Variants in TENM1 observed in about 807,000 individuals in gnomAD.
The protein encoded by TENM1 is teneurin transmembrane protein 1, also known as teneurin-1.
TENM1 carries 35 observed loss-of-function variants against 174.8 expected under a neutral mutation model. The observed-to-expected ratio is 0.20, with a 90% CI of 0.15 to 0.27. The LOEUF (loss-of-function observed/expected upper bound fraction) is 0.27, where lower values mean the gene tolerates loss of function less well. Ranked by LOEUF, TENM1 falls within the 10% of genes least tolerant of loss-of-function variation. TENM1 has a pLI of 1.00. For missense variants in TENM1, 1,633 were observed against 2,130.1 expected (o/e 0.77, Z 4.59); for synonymous variants, 781 against 798.7 (o/e 0.98, Z 0.37).
At chrX:124,522,575 C>G (rs781031929) in intron 17 of TENM1, among the ~76,000 whole-genome samples, 38 of 109,003 alleles carry the variant, frequency 3.5e-4, no homozygotes, top group African/African-American at 1.2e-3. Flanking sequence ...AAAAAAAAAA[C>G]TGCACAGGCT....
At chrX:125,039,846 G>T in the TENM1 span, among the ~76,000 whole-genome samples, 5 of 110,200 alleles carry the variant, frequency 4.5e-5, no homozygotes, top group African/African-American at 1.7e-4. Flanking sequence ...TGATCAGATT[G>T]AATGTATTTC....
intron 3 of TENM1, among the ~76,000 whole-genome samples, chrX:124,880,772 C>T (rs1445809965): frequency 9.0e-6 from 1 of 111,701 alleles, no homozygotes; most frequent in Non-Finnish European, 1.9e-5. Context: ...AAATGCTTTT[C>T]TACATCTATT....
intron 14 of TENM1, among the ~76,000 whole-genome samples, chrX:124,560,001 T>C (rs1017113020): frequency 4.5e-5 from 5 of 110,405 alleles, no homozygotes; most frequent in Non-Finnish European, 9.5e-5. Context: ...GACATGAAGA[T>C]GTGCCAGGTA....
intron 3 of TENM1, among the ~76,000 whole-genome samples, chrX:124,844,493 G>T (rs1382903022): frequency 1.8e-5 from 2 of 111,259 alleles, no homozygotes; most frequent in Non-Finnish European, 3.8e-5. Flanking sequence ...GATGGACTGT[G>T]TGGTTGACGG....
At chrX:124,791,868 G>C (rs1198899293) in intron 3 of TENM1, among the ~76,000 whole-genome samples, 1 of 111,420 alleles carries the variant, frequency 9.0e-6, no homozygotes, top group Non-Finnish European at 1.9e-5. Context: ...TTGCGTGTGT[G>C]TGTGTGTGCA....
Position 124,849,524 on chromosome X carries a change from A to T in TENM1, c.535+44772T>A, listed in dbSNP as rs369897288. Among the ~76,000 whole-genome samples the T allele has an allele frequency of 1.9e-4, 20 of 104,674 alleles. 1 individual carries two copies. The highest frequency in any genetic ancestry group is 7.6e-4 in the African/African-American group (19 of 24,907). The allele number at this position is 104,674 out of a possible 115,157, so 90.9% of individuals were successfully genotyped here. A position where few individuals can be genotyped will look rare whatever the true frequency, so the allele number is the denominator to read the frequency against. Reference sequence around the variant, plus strand: ...TGACAAAAACTGGAGAACAGTCTCTAGTAGTTGAGAGTGACCCCTGGCTGA... The same window carrying T: ...TGACAAAAACTGGAGAACAGTCTCTTGTAGTTGAGAGTGACCCCTGGCTGA... On this transcript the variant is annotated intron_variant, in intron 3 of 31. Transcript: ENST00000422452.
chrX:124,706,425 T>C, intron 4 of TENM1, among the ~76,000 whole-genome samples: 1 of 112,022 alleles, frequency 8.9e-6, no homozygotes, highest in Non-Finnish European at 1.9e-5. Context: ...AACATTCCCA[T>C]CAAGACAAGA....
intron 1 of TENM1, among the ~76,000 whole-genome samples, chrX:124,901,725 T>C (rs147159110): frequency 0.012 from 1,326 of 111,479 alleles, 27 homozygotes; most frequent in African/African-American, 0.041. Flanking sequence ...GCATTACAAG[T>C]ATTAGCCACC....
the TENM1 span, among the ~76,000 whole-genome samples, chrX:125,058,972 A>T: frequency 3.9e-5 from 4 of 101,432 alleles, no homozygotes; most frequent in Admixed American, 1.1e-4. Flanking sequence ...TAAGTTTAGA[A>T]CATTTTCATC....
Position 124,727,941 on chromosome X carries a change from C to A in TENM1, c.776+9016G>T, listed in dbSNP as rs189008028. Among the ~76,000 whole-genome samples, 155 of 111,620 alleles carry A rather than the reference C, an allele frequency of 1.4e-3. 2 individuals carry two copies. Among genetic ancestry groups the A allele is most frequent in the African/African-American group, 4.9e-3 (151 of 30,785 alleles). On this transcript the variant is annotated intron_variant, in intron 4 of 31. Coordinates refer to ENST00000422452, the Ensembl canonical transcript of TENM1. ...AGAGGTAATAAGAAGCAGAATGGGA[C>A]TTTGAACTCAGTTCTATTGTTTTCT... is the stretch of plus-strand genomic sequence containing the variant.
chrX:124,976,505 G>A, the TENM1 span, among the ~76,000 whole-genome samples: 1 of 111,927 alleles, frequency 8.9e-6, no homozygotes, highest in African/African-American at 3.2e-5. Context: ...AGACTAAGAA[G>A]ACTTTAGATC....
chrX:124,642,090 A>G (rs2051032952), intron 10 of TENM1, 99 bp from the exon 14 acceptor site: 1 of 612,044 alleles, frequency 1.6e-6, no homozygotes, highest in Admixed American at 2.4e-5. Context: ...TTGATTTCCT[A>G]GTTTATATCA....
intron 3 of TENM1, among the ~76,000 whole-genome samples, chrX:124,738,619 G>A (rs1228678397): frequency 9.0e-6 from 1 of 111,612 alleles, no homozygotes; most frequent in Admixed American, 9.5e-5. Flanking sequence ...AATGTTTCAT[G>A]AATTTCCTAA....
chrX:124,786,010 A>G (rs1335817850), intron 3 of TENM1, among the ~76,000 whole-genome samples: 1 of 111,713 alleles, frequency 9.0e-6, no homozygotes, highest in Non-Finnish European at 1.9e-5. Context: ...TAATAGGTCA[A>G]TGTTGCTCCT....
chrX:124,583,498 A>G (rs2049390952), intron 11 of TENM1, among the ~76,000 whole-genome samples: 2 of 111,480 alleles, frequency 1.8e-5, no homozygotes, highest in South Asian at 7.6e-4. Context: ...AGGAAAACTA[A>G]CAACCAGAAA....
chrX:124,723,603 G>GTTTTTTTTTTTTTTTT (rs1198093791), intron 4 of TENM1, among the ~76,000 whole-genome samples: 1 of 74,935 alleles, frequency 1.3e-5, no homozygotes, highest in Admixed American at 1.5e-4. Context: ...TTTTTTTTTT[G>GTTTTTTTTTTTTTTTT]TTTTTTTTTT....
chrX:124,540,940 T>C (rs1245890181), intron 15 of TENM1, among the ~76,000 whole-genome samples: 1 of 112,121 alleles, frequency 8.9e-6, no homozygotes, highest in Non-Finnish European at 1.9e-5. Flanking sequence ...ATCTAACCCA[T>C]TGAAAACAGA....
At chrX:124,584,160 A>G (rs1371396895) in intron 11 of TENM1, among the ~76,000 whole-genome samples, 1 of 110,160 alleles carries the variant, frequency 9.1e-6, no homozygotes, top group African/African-American at 3.3e-5. Context: ...GCAGGCCAAC[A>G]TTCAGATTCA....
At chrX:124,819,945 A>G (rs1006381635) in intron 3 of TENM1, among the ~76,000 whole-genome samples, 15 of 109,140 alleles carry the variant, frequency 1.4e-4, no homozygotes, top group African/African-American at 4.7e-4. Context: ...ATAGGTGTGT[A>G]CCATCACGCC....
Sources: allele counts gnomAD v4.1 joint callset (sites outside exome capture counted in the v4.1 genomes callset), GRCh38; gene constraint gnomAD v4.1.1; transcripts MANE v1.5; gene names NCBI Gene and HGNC (gene_info 2026-07-23, HGNC 2026-07-21).